The following PTPRF variants were observed in gnomAD, a reference collection of about 807,000 sequenced individuals.
PTPRF encodes protein tyrosine phosphatase receptor type F.
Under a neutral mutation model 201.8 loss-of-function variants are expected in PTPRF, and 59 were observed. The observed-to-expected ratio is 0.29, with a 90% CI of 0.24 to 0.36. The LOEUF is 0.36. Among genes scored for constraint, PTPRF ranks in the 10% least tolerant of loss-of-function variants. PTPRF has a pLI of 1.00. For missense variants in PTPRF, 2,132 were observed against 2,690.5 expected, an observed-to-expected ratio of 0.79 and a Z score of 4.59; for synonymous variants, 1,088 against 1,089.7, an observed-to-expected ratio of 1.00 and a Z score of 0.03.
intron 6 of PTPRF, among the ~76,000 whole-genome samples, chr1:43,575,054 C>T (rs998894367): frequency 6.6e-6 from 1 of 152,186 alleles, no homozygotes; most frequent in African/African-American, 2.4e-5. Flanking sequence ...GCAGGGTAGA[C>T]GTGGGCTGGA....
At chr1:43,559,756 T>TACATGCGCACACGCAACA in intron 5 of PTPRF, among the ~76,000 whole-genome samples, 1 of 149,852 alleles carries the variant, frequency 6.7e-6, no homozygotes, top group South Asian at 2.1e-4. Context: ...TGTGTGTGTG[T>TACATGCGCACACGCAACA]GTTTGTACAG....
At chr1:43,566,057 G>A (rs1646155993) in intron 5 of PTPRF, among the ~76,000 whole-genome samples, 1 of 152,222 alleles carries the variant, frequency 6.6e-6, no homozygotes, top group Non-Finnish European at 1.5e-5. Context: ...GGACCCTGGG[G>A]TTCGCTTTGC....
At chr1:43,527,471 C>A (rs1038368870), upstream of PTPRF, among the ~76,000 whole-genome samples, 1 of 152,242 alleles carries the variant, frequency 6.6e-6, no homozygotes, top group Non-Finnish European at 1.5e-5. Flanking sequence ...TTCCAGATGG[C>A]GTACATGCAG....
chr1:43,590,722 C>A (rs1171172070), intron 8 of PTPRF, among the ~76,000 whole-genome samples: 1 of 152,200 alleles, frequency 6.6e-6, no homozygotes, highest in South Asian at 2.1e-4. Context: ...TCCAGTGAAT[C>A]CCACAGTTGA....
rs1423936061 is a variant in PTPRF at position 43,553,311 on chromosome 1, CAG to C, written c.92-178_92-177del. Among the ~76,000 whole-genome samples the C allele has an allele frequency of 2.0e-5, 3 of 152,212 alleles. No individual in the cohort carries two copies. The highest frequency in any genetic ancestry group is 7.2e-5 in the African/African-American group (3 of 41,454). On this transcript the variant is annotated intron_variant, in intron 3 of 33. Transcript: ENST00000359947. The surrounding 1 kb of genome is among the most constrained non-coding windows in gnomAD (Gnocchi z 4.1). ...TATAGCACTCACCTCATATGCTTAACAGAGTTAAAAAATGTTAAACTCTCTGA... is the reference window on the plus strand; with the variant it reads ...TATAGCACTCACCTCATATGCTTAACAGTTAAAAAATGTTAAACTCTCTGA...
rs1644432627 is a variant in PTPRF, at chr1:43,542,729, C to T, written c.-45-2302C>T. 6.6e-6 allele frequency among the ~76,000 whole-genome samples: 1 copy of T among 152,114 alleles called. No homozygotes were observed. The highest frequency in any genetic ancestry group is 1.5e-5 in the Non-Finnish European group (1 of 68,008). ...CTGCACTCCATGATGTCTGTACCCTCTGTGTCCGCCCACGTGATGTCTAGA... is the reference window on the plus strand; with the variant it reads ...CTGCACTCCATGATGTCTGTACCCTTTGTGTCCGCCCACGTGATGTCTAGA... On this transcript the variant is annotated intron_variant, in intron 2 of 33. Coordinates refer to ENST00000359947, the MANE Select transcript of PTPRF (RefSeq NM_002840.5). This position sits in a 1 kb window ranked among gnomAD's most constrained non-coding sequence, Gnocchi z 5.2.
intron 21 of PTPRF, among the ~76,000 whole-genome samples, chr1:43,608,532 T>G (rs1008521287): frequency 6.6e-6 from 1 of 152,164 alleles, no homozygotes; most frequent in Admixed American, 6.5e-5. Flanking sequence ...GTCTCACTCT[T>G]GCCAGTTCAA....
intron 5 of PTPRF, among the ~76,000 whole-genome samples, chr1:43,568,121 C>G (rs1183950358): frequency 6.6e-6 from 1 of 151,978 alleles, no homozygotes; most frequent in Admixed American, 6.6e-5. Flanking sequence ...CATGGTGAAA[C>G]CCCGTCTCTA....
At chr1:43,609,626 C>G in intron 22 of PTPRF, 128 bp downstream of exon 22, 1 of 663,256 alleles carries the variant, frequency 1.5e-6, no homozygotes, top group African/African-American at 1.8e-5. Flanking sequence ...CCTTTTCTTC[C>G]TTTCTGCCCT....
chr1:43,561,864 C>T (rs1645827978), intron 5 of PTPRF, among the ~76,000 whole-genome samples: 1 of 152,192 alleles, frequency 6.6e-6, no homozygotes, highest in African/African-American at 2.4e-5. Flanking sequence ...GGTACTCCTG[C>T]CTCTTCTGTT....
rs888130528 is a variant in PTPRF at position 43,588,386 on chromosome 1, A to T, written c.680-345A>T. On this transcript the variant is annotated intron_variant, in intron 7 of 33. Transcript: ENST00000359947. The surrounding 1 kb of genome is among the most constrained non-coding windows in gnomAD (Gnocchi z 5.3). ...GAGAACACCCTGGGTTGTGGTCCTG[A>T]CCAGGCCTGGACCTTGTACTGAGTC... Among the ~76,000 whole-genome samples, 4 of 152,110 alleles carry T rather than the reference A, an allele frequency of 2.6e-5. No homozygotes were observed. The highest frequency in any genetic ancestry group is 9.7e-5 in the African/African-American group (4 of 41,402).
chr1:43,618,694 T>C lies in PTPRF; in HGVS notation c.4436T>C (p.Leu1479Pro). ...ACCTGTGGCCTTATTCAGGTGACCCTGTTGGACACAGTGGAGCTGGCCACA... is the reference window on the plus strand; with the variant it reads ...ACCTGTGGCCTTATTCAGGTGACCCCGTTGGACACAGTGGAGCTGGCCACA... ...TETCGLIQVT[L>P]LDTVELATYT... The change falls in exon 26 of 34, where the codon CTG (leucine) becomes CCG (proline). Residue 1479 changes from leucine (L) to proline (P), a missense_variant. By Grantham distance (98) the Leu-to-Pro change is moderately conservative (BLOSUM62 -3). Coordinates refer to ENST00000359947, the MANE Select transcript of PTPRF (RefSeq NM_002840.5). 6.2e-7 allele frequency: 1 copy of C among 1,612,578 alleles called. No homozygotes were observed. The highest frequency in any genetic ancestry group is 1.1e-5 in the South Asian group (1 of 91,026).
At chr1:43,551,739 T>C (rs1160681142) in intron 3 of PTPRF, among the ~76,000 whole-genome samples, 1 of 152,208 alleles carries the variant, frequency 6.6e-6, no homozygotes, top group African/African-American at 2.4e-5. Context: ...GTAAGACTGA[T>C]AATGCTGGTA....
At chr1:43,556,988 C>G (rs577470705) in intron 5 of PTPRF, among the ~76,000 whole-genome samples, 1 of 152,352 alleles carries the variant, frequency 6.6e-6, no homozygotes, top group South Asian at 2.1e-4. Flanking sequence ...TCAGGCTCCT[C>G]CCTGCCACTT....
chr1:43,569,914 C>G, intron 6 of PTPRF, 136 bp downstream of exon 6: 1 of 1,022,262 alleles, frequency 9.8e-7, no homozygotes, highest in Non-Finnish European at 1.4e-6. Context: ...TGGGCTGGGT[C>G]TTACTGCAGG....
intron 7 of PTPRF, among the ~76,000 whole-genome samples, chr1:43,584,448 C>T (rs1201450242): frequency 6.6e-6 from 1 of 152,182 alleles, no homozygotes; most frequent in East Asian, 1.9e-4. Context: ...GGCAGATCTG[C>T]GAGGGCGTCC....
At chr1:43,548,919 C>T (rs1017753451) in intron 3 of PTPRF, among the ~76,000 whole-genome samples, 5 of 152,220 alleles carry the variant, frequency 3.3e-5, no homozygotes, top group African/African-American at 1.2e-4. Context: ...CCCAGTTTGA[C>T]TCTCCCTGGG....
intron 13 of PTPRF, 78 bp downstream of exon 13, chr1:43,598,991 T>C (rs750803689): frequency 3.6e-5 from 53 of 1,467,268 alleles, no homozygotes; most frequent in Non-Finnish European, 4.3e-5. Context: ...GGCCCAGATA[T>C]GTCCCTCTTC....
In PTPRF at chr1:43,583,579, G is replaced by T. The variant is rs548924905; in HGVS notation, c.679+4659G>T. Among the ~76,000 whole-genome samples the T allele has an allele frequency of 6.6e-5, 10 of 152,290 alleles. No individual in the cohort carries two copies. The South Asian group carries it at 2.1e-3, about 32-fold the overall frequency. On this transcript the variant is annotated intron_variant, in intron 7 of 33. Coordinates refer to ENST00000359947, the MANE Select transcript of PTPRF (RefSeq NM_002840.5). Reference sequence around the variant, plus strand: ...TGGAACATTAAGGCGAGAGGCTAGAGCAGGCTGTCCTCCCAGTATCCTGCA... The same window carrying T: ...TGGAACATTAAGGCGAGAGGCTAGATCAGGCTGTCCTCCCAGTATCCTGCA...
Sources: allele counts gnomAD v4.1 joint callset (sites outside exome capture counted in the v4.1 genomes callset), GRCh38; gene constraint gnomAD v4.1.1; non-coding constraint Gnocchi (gnomAD v3.1); transcripts MANE v1.5; gene names NCBI Gene and HGNC (gene_info 2026-07-23, HGNC 2026-07-21).